Variants in LEMD1 observed in about 807,000 individuals in gnomAD.
LEMD1 encodes LEM domain-containing protein 1.
LEMD1 carries 18 observed loss-of-function variants against 17.4 expected under a neutral mutation model. The ratio of observed to expected loss-of-function variants is 1.04; its 90% CI spans 0.72 to 1.54. The LOEUF (loss-of-function observed/expected upper bound fraction) is 1.54. Ranked by LOEUF, LEMD1 falls within the 40% of genes most tolerant of loss-of-function variation. The pLI is 0.00. For synonymous variants in LEMD1, 88 were observed against 77.8 expected (o/e 1.13, Z -0.69); for missense variants, 195 against 210.4 (o/e 0.93, Z 0.45).
intron 1 of LEMD1, chr1:205,449,852 C>T (rs1380963263): frequency 6.5e-6 from 1 of 152,674 alleles, no homozygotes; most frequent in Non-Finnish European, 1.5e-5. Context: ...GGCTGGGGGT[C>T]CCAGGGGCTG....
rs187095191 is a variant in LEMD1 at position 205,382,559 on chromosome 1, A to G, written c.348-703T>C. On this transcript the variant is annotated intron_variant, in intron 5 of 5. Coordinates refer to ENST00000367153, the MANE Select transcript of LEMD1 (RefSeq NM_001199050.2). ...ATTACAGGCGTGAGCCACTGTGCCC[A>G]GTCTCTAATTTCAACAAGTGATACT... is the stretch of plus-strand genomic sequence containing the variant. Among the ~76,000 whole-genome samples, 230 of 152,234 alleles carry G rather than the reference A, an allele frequency of 1.5e-3. 1 individual carries two copies. The highest frequency in any genetic ancestry group is 5.0e-3 in the African/African-American group (209 of 41,556).
intron 4 of LEMD1, chr1:205,387,369 T>C (rs537074431): frequency 6.6e-6 from 1 of 152,168 alleles, no homozygotes; most frequent in South Asian, 2.1e-4. Flanking sequence ...GTCTACTGTG[T>C]GAACATATAC....
In LEMD1 at chr1:205,448,768, G is replaced by A. The variant is rs1666446556; in HGVS notation, c.-39+1100C>T. ...GCCGGATCTTTTCAAGGCTGCTGCTGCCAGTACCCAGGATGGGGGGCCCCA... is the reference window on the plus strand; with the variant it reads ...GCCGGATCTTTTCAAGGCTGCTGCTACCAGTACCCAGGATGGGGGGCCCCA... On this transcript the variant is annotated intron_variant, in intron 1 of 3. Coordinates refer to the LEMD1 transcript ENST00000367154. This position sits in a 1 kb window ranked among gnomAD's most constrained non-coding sequence, Gnocchi z 4.7. Among the ~76,000 whole-genome samples, 1 of 152,154 alleles carries A rather than the reference G, an allele frequency of 6.6e-6. No homozygotes were observed. Among genetic ancestry groups the A allele is most frequent in the African/African-American group, 2.4e-5 (1 of 41,442 alleles).
At chr1:205,423,342 T>C (rs1226483680), upstream of LEMD1, among the ~76,000 whole-genome samples, 1 of 152,218 alleles carries the variant, frequency 6.6e-6, no homozygotes, top group Non-Finnish European at 1.5e-5. Flanking sequence ...ACACATTTGT[T>C]TCCATCAAAG....
At chr1:205,418,819 C>T (rs1665820164) in intron 3 of LEMD1, among the ~76,000 whole-genome samples, 1 of 152,136 alleles carries the variant, frequency 6.6e-6, no homozygotes, top group Non-Finnish European at 1.5e-5. Context: ...CAGTGTGGCT[C>T]ATCTTTCTTA....
At position 205,441,573 on chromosome 1, in the gene LEMD1, C is replaced by T. The variant is rs78608896; in HGVS notation, c.-39+8295G>A. ...TTTACTTTGACACCTGGGACCGAGT[C>T]AGATTCCTCCCTTCCTTAACAACCC... On this transcript the variant is annotated intron_variant, in intron 1 of 3. Transcript: ENST00000367154. The surrounding 1 kb of genome is among the most constrained non-coding windows in gnomAD (Gnocchi z 4.3). Among the ~76,000 whole-genome samples the T allele has an allele frequency of 1.7e-3, 252 of 152,284 alleles. No individual in the cohort carries two copies. Among genetic ancestry groups the T allele is most frequent in the Non-Finnish European group, 2.5e-3 (169 of 68,016 alleles).
At chr1:205,442,307 C>A (rs968908198) in intron 1 of LEMD1, among the ~76,000 whole-genome samples, 6 of 152,160 alleles carry the variant, frequency 3.9e-5, no homozygotes, top group African/African-American at 1.4e-4. Context: ...CCTCCCTTCT[C>A]CAGCCCCTCA....
At chr1:205,389,033 C>CTTT (rs1278093645) in intron 4 of LEMD1, among the ~76,000 whole-genome samples, 14 of 77,122 alleles carry the variant, frequency 1.8e-4, no homozygotes, top group Middle Eastern at 8.8e-3. Context: ...AGTACATTTG[C>CTTT]TTTCTTTTTT....
chr1:205,430,003 C>T (rs1666105006), intron 1 of LEMD1, among the ~76,000 whole-genome samples: 1 of 152,212 alleles, frequency 6.6e-6, no homozygotes, highest in South Asian at 2.1e-4. Context: ...AAACACTACT[C>T]ATTACAGAGC....
chr1:205,447,907 G>A (rs992447917), intron 1 of LEMD1, among the ~76,000 whole-genome samples: 2 of 152,222 alleles, frequency 1.3e-5, no homozygotes, highest in Non-Finnish European at 2.9e-5. Flanking sequence ...AGAGAAAGGA[G>A]TGAAGGAGTG....
At chr1:205,408,414 G>T (rs1460860632) in intron 4 of LEMD1, among the ~76,000 whole-genome samples, 1 of 152,056 alleles carries the variant, frequency 6.6e-6, no homozygotes, top group Non-Finnish European at 1.5e-5. Flanking sequence ...GGAGGTGTTT[G>T]TACTATCCTT....
intron 4 of LEMD1, among the ~76,000 whole-genome samples, chr1:205,411,127 GGAAA>G (rs1665380598): frequency 2.2e-5 from 3 of 137,480 alleles, no homozygotes; most frequent in Non-Finnish European, 3.1e-5. Context: ...AGGGAGGGAG[GGAAA>G]GAAAGGAAGG....
chr1:205,393,503 C>T (rs1461713946), intron 4 of LEMD1, among the ~76,000 whole-genome samples: 1 of 151,894 alleles, frequency 6.6e-6, no homozygotes, highest in Non-Finnish European at 1.5e-5. Flanking sequence ...TGGTGAAACA[C>T]CATCTGTACT....
rs140375037 is a variant in LEMD1 at position 205,384,339 on chromosome 1, C to T, written c.296G>A (p.Arg99His). ...KKWPEASTTK[R>H]KAVDTYCLDY... ...CAAGCAATAGGTATCTACAGCTTTG[C>T]GTTTAGTGGTGGAAGCCTCAGGCCA... Residue 99 changes from arginine (R) to histidine (H), a missense_variant, in exon 5 of 6, where the codon CGC becomes CAC. Arg to His is a conservative substitution (Grantham distance 29). Transcript: ENST00000367153. The T allele has an allele frequency of 6.4e-4, 971 of 1,522,070 alleles. 11 individuals carry two copies. The African/African-American group carries it at 0.012, about 18-fold the overall frequency. The allele number at this position is 1,522,070 out of a possible 1,614,324, so 94.3% of individuals were successfully genotyped here. A position where few individuals can be genotyped will look rare whatever the true frequency, so the allele number is the denominator to read the frequency against.
At chr1:205,401,801 G>A (rs1480779831) in intron 4 of LEMD1, among the ~76,000 whole-genome samples, 1 of 152,150 alleles carries the variant, frequency 6.6e-6, no homozygotes, top group Non-Finnish European at 1.5e-5. Context: ...GAATGGTAAT[G>A]CCTAGGTTTT....
chr1:205,448,610 C>T lies in LEMD1; in HGVS notation c.-39+1258G>A, dbSNP rs1483549819. On this transcript the variant is annotated intron_variant, in intron 1 of 3. Coordinates refer to the LEMD1 transcript ENST00000367154. The surrounding 1 kb of genome is among the most constrained non-coding windows in gnomAD (Gnocchi z 4.7). ...TTTCCAGTTCTTGCCCTACAAAGGC[C>T]TCACACAATGGTCCTCACTCCAGGG... Among the ~76,000 whole-genome samples, 1 of 152,142 alleles carries T rather than the reference C, an allele frequency of 6.6e-6. No individual in the cohort carries two copies. Among genetic ancestry groups the T allele is most frequent in the Non-Finnish European group, 1.5e-5 (1 of 68,020 alleles).
At chr1:205,406,929 T>G (rs1201609089) in intron 4 of LEMD1, among the ~76,000 whole-genome samples, 1 of 152,196 alleles carries the variant, frequency 6.6e-6, no homozygotes, top group African/African-American at 2.4e-5. Context: ...TCTCTGGAGC[T>G]ACAAGAGTTA....
At chr1:205,387,698 T>C (rs1046299539) in intron 4 of LEMD1, among the ~76,000 whole-genome samples, 1 of 152,202 alleles carries the variant, frequency 6.6e-6, no homozygotes, top group Non-Finnish European at 1.5e-5. Context: ...CTGGGGAATA[T>C]GTGGCCCCCT....
chr1:205,413,762 T>C (rs1665566116), intron 4 of LEMD1, among the ~76,000 whole-genome samples: 1 of 151,008 alleles, frequency 6.6e-6, no homozygotes, highest in Non-Finnish European at 1.5e-5. Flanking sequence ...AAGTGATTCT[T>C]GTGCCTTAGC....
Sources: allele counts gnomAD v4.1 joint callset (sites outside exome capture counted in the v4.1 genomes callset), GRCh38; gene constraint gnomAD v4.1.1; non-coding constraint Gnocchi (gnomAD v3.1); transcripts MANE v1.5; gene names NCBI Gene and HGNC (gene_info 2026-07-23, HGNC 2026-07-21).